Variants in CMTM8 observed in about 807,000 individuals in gnomAD.
CMTM8 encodes CKLF-like MARVEL transmembrane domain-containing protein 8.
A neutral mutation model predicts 18.6 loss-of-function variants in CMTM8; 12 were observed. That is an observed-to-expected ratio of 0.65 (90% CI 0.41 to 1.05). The LOEUF (loss-of-function observed/expected upper bound fraction) is 1.05, where lower values mean the gene tolerates loss of function less well. Among genes scored for constraint, CMTM8 ranks in the 50% least tolerant of loss-of-function variants. The pLI is 0.00. For missense variants in CMTM8, 217 were observed against 227.2 expected (o/e 0.95, Z 0.29); for synonymous variants, 87 against 90.6 (o/e 0.96, Z 0.23).
At chr3:32,345,804 G>T (rs1164035154) in intron 1 of CMTM8, among the ~76,000 whole-genome samples, 2 of 152,222 alleles carry the variant, frequency 1.3e-5, no homozygotes, top group Non-Finnish European at 2.9e-5. Context: ...AGAAACAGGT[G>T]ATATAAATAT....
Position 32,269,442 on chromosome 3 carries a change from C to T in CMTM8, c.147+30323C>T, listed in dbSNP as rs60806110. Reference sequence around the variant, plus strand: ...TCACATCATGAACTAATGTTCATACCTCCCTGGGAAGCTAATGTCAGATTT... The same window carrying T: ...TCACATCATGAACTAATGTTCATACTTCCCTGGGAAGCTAATGTCAGATTT... On this transcript the variant is annotated intron_variant, in intron 1 of 3. Transcript: ENST00000307526. Among the ~76,000 whole-genome samples, 368 of 152,242 alleles carry T rather than the reference C, an allele frequency of 2.4e-3. 3 individuals are homozygous for T. Among genetic ancestry groups the T allele is most frequent in the African/African-American group, 8.5e-3 (355 of 41,524 alleles).
At chr3:32,253,984 C>T (rs1358185645) in intron 1 of CMTM8, among the ~76,000 whole-genome samples, 2 of 151,974 alleles carry the variant, frequency 1.3e-5, no homozygotes, top group South Asian at 2.1e-4. Context: ...ACCTCTGCCT[C>T]CCAGGTTCAA....
intron 1 of CMTM8, among the ~76,000 whole-genome samples, chr3:32,284,437 C>T (rs963143432): frequency 1.1e-4 from 17 of 152,192 alleles, no homozygotes; most frequent in Admixed American, 7.2e-4. Context: ...CCCAGGGAAG[C>T]GGAGTGGGGC....
chr3:32,347,378 C>T (rs1002405713), intron 1 of CMTM8, among the ~76,000 whole-genome samples: 2 of 150,438 alleles, frequency 1.3e-5, no homozygotes, highest in African/African-American at 2.4e-5. Context: ...CTGGCTGGAC[C>T]AGCACACGCT....
chr3:32,323,581 T>G (rs1399459748), intron 1 of CMTM8, among the ~76,000 whole-genome samples: 1 of 152,224 alleles, frequency 6.6e-6, no homozygotes, highest in Non-Finnish European at 1.5e-5. Flanking sequence ...CATCACAAGC[T>G]TCCTTGGAGC....
At chr3:32,254,341 A>T (rs1702150470) in intron 1 of CMTM8, among the ~76,000 whole-genome samples, 1 of 152,194 alleles carries the variant, frequency 6.6e-6, no homozygotes, top group Non-Finnish European at 1.5e-5. Flanking sequence ...CCAAAAGGAA[A>T]CACCCCTTTT....
chr3:32,253,494 G>A (rs528000364), intron 1 of CMTM8, among the ~76,000 whole-genome samples: 3 of 150,952 alleles, frequency 2.0e-5, no homozygotes, highest in East Asian at 2.0e-4. Flanking sequence ...ACAGTCGTCC[G>A]CCATCATGCC....
At chr3:32,259,132 G>C in intron 1 of CMTM8, 1 of 411,806 alleles carries the variant, frequency 2.4e-6, no homozygotes, top group Non-Finnish European at 4.7e-6. Context: ...CATGGGGTCC[G>C]GGGACCTGGC....
At chr3:32,365,829 A>C (rs909748569) in intron 2 of CMTM8, among the ~76,000 whole-genome samples, 1 of 152,190 alleles carries the variant, frequency 6.6e-6, no homozygotes, top group African/African-American at 2.4e-5. Context: ...AGGAGCTATA[A>C]GATTTTTCAA....
intron 2 of CMTM8, among the ~76,000 whole-genome samples, chr3:32,367,046 C>T (rs992354044): frequency 7.2e-5 from 11 of 152,204 alleles, no homozygotes; most frequent in Non-Finnish European, 1.6e-4. Context: ...TCCCCTACCC[C>T]TTCCTCTGTC....
chr3:32,304,282 C>G (rs1398100), intron 1 of CMTM8, among the ~76,000 whole-genome samples: 65,371 of 151,932 alleles, frequency 0.43, 14,878 homozygotes, highest in African/African-American at 0.57. Flanking sequence ...TGGCAGGGGG[C>G]TGAAAATGGG....
rs761310722 is a variant in CMTM8 at position 32,239,136 on chromosome 3, CG to C, written c.147+22del. On this transcript the variant is annotated intron_variant, in intron 1 of 3. Coordinates refer to ENST00000307526, the MANE Select transcript of CMTM8 (RefSeq NM_178868.5). ...GCCGAGATCGTGAGTGCCGACGGGC[CG>C]GGGGTGGCGGGGGGCTCAGCTGGAC... The C allele has an allele frequency of 1.3e-6, 2 of 1,580,996 alleles. No individual in the cohort carries two copies. Among genetic ancestry groups the C allele is most frequent in the South Asian group, 1.2e-5 (1 of 86,120 alleles).
chr3:32,331,387 C>T (rs578077364), intron 1 of CMTM8, among the ~76,000 whole-genome samples: 18 of 152,006 alleles, frequency 1.2e-4, no homozygotes, highest in East Asian at 7.7e-4. Context: ...ATGATGAGGC[C>T]GCTCTGGAAA....
intron 3 of CMTM8, among the ~76,000 whole-genome samples, chr3:32,368,454 CTA>C (rs1697087229): frequency 7.7e-6 from 1 of 129,744 alleles, no homozygotes. Flanking sequence ...CAAGAAACTT[CTA>C]TTTTTTTTTT....
At position 32,239,046 on chromosome 3, in the gene CMTM8, CCAG is replaced by C. The variant is rs768011366; in HGVS notation, c.85_87del (p.Ser29del). The C allele has an allele frequency of 1.1e-5, 17 of 1,590,140 alleles. No individual in the cohort carries two copies. The East Asian group carries it at 3.0e-4, about 28-fold the overall frequency. On this transcript the variant is annotated inframe_deletion, in exon 1 of 4. Transcript: ENST00000307526. ...AGCTCCTTCGCAGAGAACTTCTCCA[CCAG>C]CAGCAGCAGCTTCGCCTACGACCGG...
intron 1 of CMTM8, among the ~76,000 whole-genome samples, chr3:32,298,714 C>A (rs1695537387): frequency 6.6e-6 from 1 of 150,804 alleles, no homozygotes; most frequent in Admixed American, 6.6e-5. Context: ...CAGCTCACTG[C>A]AGCCTTCTCC....
chr3:32,368,023 T>G, intron 3 of CMTM8, 35 bp downstream of exon 3: 4 of 1,388,016 alleles, frequency 2.9e-6, no homozygotes, highest in Non-Finnish European at 4.1e-6. Context: ...GATCCTCCTC[T>G]TCCCTCTCCA....
chr3:32,302,520 G>T (rs568220918), intron 1 of CMTM8, among the ~76,000 whole-genome samples: 1 of 152,118 alleles, frequency 6.6e-6, no homozygotes, highest in Non-Finnish European at 1.5e-5. Context: ...ATGAAACAAG[G>T]CTCCCAAAAG....
intron 1 of CMTM8, among the ~76,000 whole-genome samples, chr3:32,300,314 G>A (rs1251733422): frequency 6.6e-6 from 1 of 152,180 alleles, no homozygotes; most frequent in Non-Finnish European, 1.5e-5. Context: ...CTGGAATGGG[G>A]GTCTTATGAA....
Sources: gnomAD v4.1 joint callset for allele counts (sites outside exome capture counted in the v4.1 genomes callset) on GRCh38, gnomAD v4.1.1 for gene constraint, MANE v1.5 for transcripts, NCBI Gene and HGNC (gene_info 2026-07-23, HGNC 2026-07-21) for gene names.